The following NUDT12 variants were observed in gnomAD, a reference collection of about 807,000 sequenced individuals.
The protein encoded by NUDT12 is NAD-capped RNA hydrolase NUDT12.
Under a neutral mutation model 45.7 loss-of-function variants are expected in NUDT12, and 42 were observed. The ratio of observed to expected loss-of-function variants is 0.92; its 90% CI spans 0.72 to 1.19. The LOEUF (loss-of-function observed/expected upper bound fraction) is 1.19, where lower values mean the gene tolerates loss of function less well. NUDT12 is among the 50% of genes most tolerant of loss of function. The pLI, the probability that NUDT12 is intolerant of heterozygous loss-of-function variation, is 0.00. For synonymous variants in NUDT12, 206 were observed against 179.7 expected (o/e 1.15, Z -1.17); for missense variants, 590 against 533.1 (o/e 1.11, Z -1.05).
intron 4 of NUDT12, 35 bp from the exon 5 acceptor site, chr5:103,554,888 G>T: frequency 1.2e-6 from 1 of 838,980 alleles, no homozygotes; most frequent in Non-Finnish European, 1.9e-6. Flanking sequence ...ATGAATGGCA[G>T]GAAAAACGAA....
rs1477454221 is a variant in NUDT12 at position 103,559,409 on chromosome 5, C to G, written c.266G>C (p.Trp89Ser). ...TAAATTAGCTATATGCTTATAACCC[C>G]AAAATACAGCAATGTCCAGTGCAGT... is the stretch of plus-strand genomic sequence containing the variant. ...RQTALDIAVFWGYKHIANLLA... is the reference protein window; with the variant it reads ...RQTALDIAVFSGYKHIANLLA... The change falls in exon 3 of 7, where the codon TGG becomes TCG. Residue 89 changes from tryptophan (W) to serine (S), a missense_variant. By Grantham distance (177) the Trp-to-Ser change is radical. Transcript: ENST00000230792. 6.2e-7 allele frequency: 1 copy of G among 1,609,620 alleles called. No homozygotes were observed. The highest frequency in any genetic ancestry group is 2.2e-5 in the East Asian group (1 of 44,812).
At chr5:103,560,417 T>C (rs1748998110) in intron 1 of NUDT12, among the ~76,000 whole-genome samples, 163 bp from the exon 2 acceptor site, 1 of 152,178 alleles carries the variant, frequency 6.6e-6, no homozygotes, top group Admixed American at 6.5e-5. Flanking sequence ...CAAAATGTTA[T>C]CAGTTTAGAA....
intron 3 of NUDT12, among the ~76,000 whole-genome samples, chr5:103,557,832 C>G (rs1057405862): frequency 6.6e-6 from 1 of 151,920 alleles, no homozygotes; most frequent in Non-Finnish European, 1.5e-5. Flanking sequence ...CCTCTCAACT[C>G]TCCAAGTAAT....
rs35391298 is a variant in NUDT12 at position 103,559,426 on chromosome 5, C to T, written c.249G>A (p.Leu83=). 3.5e-3 allele frequency: 5,572 copies of T among 1,594,830 alleles called. 12 individuals carry two copies. Among genetic ancestry groups the T allele is most frequent in the Non-Finnish European group, 3.9e-3 (4,553 of 1,172,234 alleles). The change falls in exon 3 of 7, where the codon CTG becomes CTA. Residue 83 remains leucine, a synonymous_variant. Coordinates refer to ENST00000230792, the MANE Select transcript of NUDT12 (RefSeq NM_031438.4). ...TATAACCCCAAAATACAGCAATGTCCAGTGCAGTCTGCCTTGATTTATTGA... is the reference window on the plus strand; with the variant it reads ...TATAACCCCAAAATACAGCAATGTCTAGTGCAGTCTGCCTTGATTTATTGA... The part of the protein sequence containing the change: ...SIVNKSRQTA[L]DIAVFWGYKH...
chr5:103,553,944 C>T (rs540724965), intron 5 of NUDT12, among the ~76,000 whole-genome samples: 1 of 152,028 alleles, frequency 6.6e-6, no homozygotes, highest in South Asian at 2.1e-4. Context: ...TGCAAAATCA[C>T]TGTAATAGTG....
At chr5:103,552,940 T>C (rs1405340806) in intron 5 of NUDT12, among the ~76,000 whole-genome samples, 4 of 152,116 alleles carry the variant, frequency 2.6e-5, no homozygotes, top group Non-Finnish European at 5.9e-5. Context: ...TTCCTCTAGA[T>C]GACTGCTGAC....
At position 103,554,729 on chromosome 5, in the gene NUDT12, A is replaced by C. The variant is rs779230625; in HGVS notation, c.1078+11T>G. The C allele has an allele frequency of 2.2e-5, 24 of 1,094,094 alleles. No individual in the cohort carries two copies. Among genetic ancestry groups the C allele is most frequent in the Non-Finnish European group, 3.0e-5 (24 of 789,180 alleles). 67.8% of individuals were successfully genotyped at this position (1,094,094 alleles called of 1,614,324 possible). On this transcript the variant is annotated intron_variant, in intron 5 of 6. Transcript: ENST00000230792. ...TATAAATTAAATATAAATTATTAAG[A>C]AATGGCTTACCAGGCTCAATAAATC...
chr5:103,552,370 A>C lies in NUDT12; in HGVS notation c.1125T>G (p.Ser375Arg). Residue 375 changes from serine (S) to arginine (R), a missense_variant, in exon 6 of 7, where the codon AGT becomes AGG. Ser to Arg is a moderately radical substitution (Grantham distance 110, BLOSUM62 -1). Transcript: ENST00000230792. The stretch of plus-strand genomic sequence containing the variant: ...ACTGAACATGGCCAACTTTGACTCC[A>C]CTTTCCTCTTCTACTTCTCTCCTAA... ...DAVRREVEEE[S>R]GVKVGHVQYV... is the part of the protein sequence containing the mutation. 1 of 1,613,982 alleles carries C rather than the reference A, an allele frequency of 6.2e-7. No individual in the cohort carries two copies. The highest frequency in any genetic ancestry group is 8.5e-7 in the Non-Finnish European group (1 of 1,179,916).
chr5:103,558,563 T>TAAAAA (rs1428642333), intron 3 of NUDT12, among the ~76,000 whole-genome samples: 2 of 152,090 alleles, frequency 1.3e-5, no homozygotes. Context: ...ATCAACAGAA[T>TAAAAA]ACAAAACAAA....
chr5:103,560,548 A>G (rs1248006934), intron 1 of NUDT12, among the ~76,000 whole-genome samples: 1 of 151,052 alleles, frequency 6.6e-6, no homozygotes, highest in African/African-American at 2.4e-5. Context: ...AACATATTAC[A>G]TAAGGAGGAG....
chr5:103,560,297 GCTTT>G (rs1748993941), intron 1 of NUDT12, 43 bp from the exon 2 acceptor site: 1 of 1,236,796 alleles, frequency 8.1e-7, no homozygotes, highest in Non-Finnish European at 1.2e-6. Context: ...ATTTGCAACT[GCTTT>G]TTTATCAATG....
intron 6 of NUDT12, among the ~76,000 whole-genome samples, chr5:103,551,490 A>G (rs1328003187): frequency 1.3e-5 from 2 of 152,206 alleles, no homozygotes; most frequent in African/African-American, 2.4e-5. Flanking sequence ...TGTTCCAGAA[A>G]GACACATTCC....
At position 103,550,662 on chromosome 5, in the gene NUDT12, A is replaced by G. The variant is rs1748623824; in HGVS notation, c.*199T>C. The G allele has an allele frequency of 1.2e-5, 5 of 406,696 alleles. No individual in the cohort carries two copies. Among genetic ancestry groups the G allele is most frequent in the Non-Finnish European group, 1.8e-5 (4 of 226,156 alleles). The allele number at this position is 406,696 out of a possible 1,614,324, so 25.2% of individuals were successfully genotyped here. The stretch of plus-strand genomic sequence containing the variant: ...CAGAGAAGACTGACCCAAATTTAAC[A>G]TAATCTGAGGCAATATTGTAAAAAT... On this transcript the variant is annotated 3_prime_UTR_variant, in exon 7 of 7. Coordinates refer to ENST00000230792, the MANE Select transcript of NUDT12 (RefSeq NM_031438.4).
intron 4 of NUDT12, 21 bp from the exon 5 acceptor site, chr5:103,554,874 A>G: frequency 9.4e-7 from 1 of 1,065,942 alleles, no homozygotes; most frequent in Non-Finnish European, 1.4e-6. Context: ...AAAAAATCAG[A>G]TACATGAATG....
chr5:103,550,727 G>A lies in NUDT12; in HGVS notation c.*134C>T. 1.7e-6 allele frequency: 1 copy of A among 585,924 alleles called. No individual in the cohort carries two copies. Among genetic ancestry groups the A allele is most frequent in the Non-Finnish European group, 3.0e-6 (1 of 335,026 alleles). The allele number at this position is 585,924 out of a possible 1,614,324, so 36.3% of individuals were successfully genotyped here. On this transcript the variant is annotated 3_prime_UTR_variant, in exon 7 of 7. Coordinates refer to ENST00000230792, the MANE Select transcript of NUDT12 (RefSeq NM_031438.4). ...ATTTGTGATTAAGACAGAACACTTT[G>A]AAAATATTTCGAAAACCCAACATCG...
rs993757666 is a variant in NUDT12 at position 103,552,725 on chromosome 5, A to G, written c.1079-309T>C. ...CCTAATACTGGTTAAACACTATGCA[A>G]ACACTTTATATCTTATCTCATGTAT... On this transcript the variant is annotated intron_variant, in intron 5 of 6. Coordinates refer to ENST00000230792, the MANE Select transcript of NUDT12 (RefSeq NM_031438.4). Among the ~76,000 whole-genome samples the G allele has an allele frequency of 2.2e-4, 33 of 152,178 alleles. 1 individual carries two copies. Among genetic ancestry groups the G allele is most frequent in the Admixed American group, 1.4e-3 (22 of 15,270 alleles).
At chr5:103,553,392 G>A (rs1748717321) in intron 5 of NUDT12, among the ~76,000 whole-genome samples, 1 of 151,994 alleles carries the variant, frequency 6.6e-6, no homozygotes, top group Admixed American at 6.6e-5. Flanking sequence ...GAAAAAAGAT[G>A]TTCCATAGGC....
intron 6 of NUDT12, among the ~76,000 whole-genome samples, chr5:103,551,805 A>G (rs1748661876): frequency 6.6e-6 from 1 of 152,190 alleles, no homozygotes; most frequent in East Asian, 1.9e-4. Flanking sequence ...TAAAATGAAT[A>G]AAAACTTTCT....
intron 1 of NUDT12, among the ~76,000 whole-genome samples, chr5:103,560,887 G>A (rs1421565535): frequency 6.6e-6 from 1 of 151,970 alleles, no homozygotes; most frequent in Non-Finnish European, 1.5e-5. Flanking sequence ...GGACAGTTCT[G>A]TTGGTCACTT....
Sources: allele counts gnomAD v4.1 joint callset (sites outside exome capture counted in the v4.1 genomes callset), GRCh38; gene constraint gnomAD v4.1.1; transcripts MANE v1.5; gene names NCBI Gene and HGNC (gene_info 2026-07-23, HGNC 2026-07-21).